RBFOX1: variants seen among roughly 807,000 people sequenced by gnomAD.
The protein encoded by RBFOX1 is RNA binding protein fox-1 homolog 1.
In RBFOX1, 8 loss-of-function variants were observed where a neutral mutation model predicts 57.7. The observed-to-expected ratio is 0.14, with a 90% confidence interval of 0.08 to 0.25. RBFOX1 has a LOEUF of 0.25. Among genes scored for constraint, RBFOX1 ranks in the 10% least tolerant of loss-of-function variants. The pLI, the probability that RBFOX1 is intolerant of heterozygous loss-of-function variation, is 1.00. For missense variants in RBFOX1, 611 were observed against 548.5 expected, an observed-to-expected ratio of 1.11 and a Z score of -1.14; for synonymous variants, 326 against 222.4, an observed-to-expected ratio of 1.47 and a Z score of -4.15.
intron 3 of RBFOX1, among the ~76,000 whole-genome samples, chr16:5,727,163 A>T (rs148208244): frequency 3.3e-5 from 5 of 152,204 alleles, no homozygotes; most frequent in Non-Finnish European, 7.3e-5. Context: ...GTTACTCAGG[A>T]AGCTGAGGCA....
chr16:6,454,325 G>A (rs888766295), intron 2 of RBFOX1, among the ~76,000 whole-genome samples: 1 of 152,168 alleles, frequency 6.6e-6, no homozygotes, highest in African/African-American at 2.4e-5. Context: ...GGGAGGTCAA[G>A]GCAGGTGAAT....
chr16:7,114,678 C>T (rs996207938), intron 4 of RBFOX1, among the ~76,000 whole-genome samples: 1 of 152,210 alleles, frequency 6.6e-6, no homozygotes, highest in Non-Finnish European at 1.5e-5. Context: ...TCCCCTGCCT[C>T]TCTGGAAATG....
intron 3 of RBFOX1, among the ~76,000 whole-genome samples, chr16:6,790,008 T>C (rs1232287840): frequency 1.3e-5 from 2 of 151,412 alleles, no homozygotes; most frequent in East Asian, 3.9e-4. Context: ...TTTCTTAAGC[T>C]TTTTTGTTTG....
At chr16:5,749,093 T>C (rs1294318987) in intron 3 of RBFOX1, among the ~76,000 whole-genome samples, 1 of 152,316 alleles carries the variant, frequency 6.6e-6, no homozygotes, top group Middle Eastern at 3.4e-3. Context: ...CAGGATTTGC[T>C]TGTCTGTAAA....
At chr16:7,703,704 T>G (rs983490999) in intron 14 of RBFOX1, among the ~76,000 whole-genome samples, 1 of 152,192 alleles carries the variant, frequency 6.6e-6, no homozygotes, top group Admixed American at 6.5e-5. Flanking sequence ...GTAGAGTTGA[T>G]AAAGCACTTT....
intron 4 of RBFOX1, among the ~76,000 whole-genome samples, chr16:7,434,735 CAT>C (rs2098708715): frequency 1.1e-5 from 1 of 94,714 alleles, no homozygotes; most frequent in Non-Finnish European, 3.0e-5. Flanking sequence ...CTCTTGTTAA[CAT>C]TTTTTTTTTT....
intron 5 of RBFOX1, among the ~76,000 whole-genome samples, chr16:7,519,297 G>A (rs544644508): frequency 2.0e-5 from 3 of 152,032 alleles, no homozygotes; most frequent in Non-Finnish European, 2.9e-5. Context: ...GTTTGTCCCT[G>A]GTTTCTTCAT....
At chr16:7,549,914 A>G (rs1339939742) in intron 5 of RBFOX1, among the ~76,000 whole-genome samples, 1 of 151,880 alleles carries the variant, frequency 6.6e-6, no homozygotes, top group Non-Finnish European at 1.5e-5. Flanking sequence ...CCATCATCAT[A>G]TCCTTCTCTT....
intron 4 of RBFOX1, among the ~76,000 whole-genome samples, chr16:7,456,357 T>C (rs961408705): frequency 2.6e-5 from 4 of 152,190 alleles, no homozygotes; most frequent in East Asian, 1.9e-4. Context: ...TTTTAATGTA[T>C]AGTCACCCAA....
In RBFOX1 at chr16:6,965,315, T is replaced by G. The variant is rs1006456149; in HGVS notation, c.-15-86742T>G. Among the ~76,000 whole-genome samples, 3 of 147,554 alleles carry G rather than the reference T, an allele frequency of 2.0e-5. No individual in the cohort carries two copies. The South Asian group carries it at 6.7e-4, about 33-fold the overall frequency. On this transcript the variant is annotated intron_variant, in intron 3 of 15. Transcript: ENST00000550418. ...CAAATCCAATTTCCTTTTTCTTTTG[T>G]TGTGTGTGTGTGTGTGTGTGTGTGT...
At chr16:6,718,160 A>G (rs1023551538) in intron 3 of RBFOX1, among the ~76,000 whole-genome samples, 3 of 152,184 alleles carry the variant, frequency 2.0e-5, no homozygotes, top group Non-Finnish European at 4.4e-5. Context: ...AGATGTCCCC[A>G]TCTTTTGCTT....
At chr16:6,237,958 A>T (rs1392813263) in intron 1 of RBFOX1, among the ~76,000 whole-genome samples, 1 of 151,076 alleles carries the variant, frequency 6.6e-6, no homozygotes, top group African/African-American at 2.4e-5. Context: ...GGGCGTGGTG[A>T]TGCGTGCCTG....
intron 4 of RBFOX1, among the ~76,000 whole-genome samples, chr16:7,095,544 TCTTA>T (rs1466176490): frequency 1.3e-5 from 2 of 152,318 alleles, no homozygotes; most frequent in Non-Finnish European, 1.5e-5. Context: ...GTTTCTTTTC[TCTTA>T]CTTTGAGTTA....
intron 4 of RBFOX1, among the ~76,000 whole-genome samples, chr16:5,926,463 A>G (rs2058943333): frequency 1.3e-5 from 2 of 152,160 alleles, no homozygotes; most frequent in Non-Finnish European, 2.9e-5. Flanking sequence ...GGCAGGAGTT[A>G]GGGATGCCAG....
chr16:6,243,144 C>CTG lies in RBFOX1; in HGVS notation c.-126-73829_-126-73828dup, dbSNP rs370115661. ...GATAAATTGATATTTATACGTGTGT[C>CTG]TGTGTGTGTGTGTGTGTGTGTGTTT... On this transcript the variant is annotated intron_variant, in intron 1 of 15. Coordinates refer to ENST00000550418, the MANE Select transcript of RBFOX1 (RefSeq NM_018723.4). Among the ~76,000 whole-genome samples the CTG allele has an allele frequency of 8.0e-3, 1,181 of 147,382 alleles. 8 individuals carry two copies. Among genetic ancestry groups the CTG allele is most frequent in the African/African-American group, 0.015 (586 of 39,486 alleles).
Position 6,920,716 on chromosome 16 carries a change from C to T in RBFOX1, c.-15-131341C>T, listed in dbSNP as rs190987903. On this transcript the variant is annotated intron_variant, in intron 3 of 15. Coordinates refer to ENST00000550418, the MANE Select transcript of RBFOX1 (RefSeq NM_018723.4). ...ATCATTGGCACCCCTTGGCTTGTGGCTGCATCACTCCAGTCTTTACTTCAT... is the reference window on the plus strand; with the variant it reads ...ATCATTGGCACCCCTTGGCTTGTGGTTGCATCACTCCAGTCTTTACTTCAT... Among the ~76,000 whole-genome samples, 34 of 152,290 alleles carry T rather than the reference C, an allele frequency of 2.2e-4. 1 individual carries two copies. Among genetic ancestry groups the T allele is most frequent in the African/African-American group, 8.2e-4 (34 of 41,570 alleles).
chr16:7,413,035 C>A (rs951640585), intron 4 of RBFOX1, among the ~76,000 whole-genome samples: 1 of 151,394 alleles, frequency 6.6e-6, no homozygotes, highest in Non-Finnish European at 1.5e-5. Flanking sequence ...GAGCGAGACT[C>A]CGTCTCAAAA....
At chr16:7,344,759 G>T (rs530433867) in intron 4 of RBFOX1, among the ~76,000 whole-genome samples, 26 of 152,180 alleles carry the variant, frequency 1.7e-4, no homozygotes, top group African/African-American at 6.0e-4. Flanking sequence ...GGGAAGGGCA[G>T]ACCAGCCAGG....
chr16:5,425,601 A>G (rs753105179), intron 1 of RBFOX1, among the ~76,000 whole-genome samples: 1 of 152,198 alleles, frequency 6.6e-6, no homozygotes, highest in Non-Finnish European at 1.5e-5. Flanking sequence ...CACATCCAAG[A>G]AAGAGAGAAC....
Sources: gnomAD v4.1 joint callset for allele counts (sites outside exome capture counted in the v4.1 genomes callset) on GRCh38, gnomAD v4.1.1 for gene constraint, MANE v1.5 for transcripts, NCBI Gene and HGNC (gene_info 2026-07-23, HGNC 2026-07-21) for gene names.